TNIK: variants seen among roughly 807,000 people sequenced by gnomAD.
TNIK encodes the protein TRAF2 and NCK-interacting protein kinase.
Under a neutral mutation model 191.3 loss-of-function variants are expected in TNIK, and 49 were observed. The observed-to-expected ratio is 0.26, with a 90% CI of 0.20 to 0.32. The LOEUF (loss-of-function observed/expected upper bound fraction) is 0.32. Ranked by LOEUF, TNIK falls within the 10% of genes least tolerant of loss-of-function variation. The pLI is 1.00. For synonymous variants in TNIK, 594 were observed against 600.9 expected, an observed-to-expected ratio of 0.99 and a Z score of 0.17; for missense variants, 1,155 against 1,702.3, an observed-to-expected ratio of 0.68 and a Z score of 5.66.
At chr3:171,074,516 AAAAAG>A (rs1451188467) in intron 28 of TNIK, among the ~76,000 whole-genome samples, 3 of 152,182 alleles carry the variant, frequency 2.0e-5, no homozygotes, top group Admixed American at 1.3e-4. Context: ...AATAAATTTT[AAAAAG>A]AAAAGAAAAA....
At chr3:171,452,881 A>C (rs1728353645) in intron 1 of TNIK, among the ~76,000 whole-genome samples, 1 of 152,132 alleles carries the variant, frequency 6.6e-6, no homozygotes, top group South Asian at 2.1e-4. Context: ...AGGAATACCT[A>C]CCCAGGACCA....
chr3:171,186,982 G>A (rs1737443510), intron 7 of TNIK, among the ~76,000 whole-genome samples: 2 of 152,218 alleles, frequency 1.3e-5, no homozygotes, highest in African/African-American at 4.8e-5. Context: ...AAACAAGTCA[G>A]TTGTAGGCAC....
intron 29 of TNIK, among the ~76,000 whole-genome samples, chr3:171,069,442 C>A (rs1311867255): frequency 6.6e-6 from 1 of 152,154 alleles, no homozygotes; most frequent in Non-Finnish European, 1.5e-5. Context: ...CGGCTGTTTT[C>A]TCAGCCTGTT....
intron 2 of TNIK, among the ~76,000 whole-genome samples, chr3:171,311,427 A>C (rs1322900759): frequency 5.9e-5 from 9 of 152,174 alleles, no homozygotes; most frequent in African/African-American, 2.2e-4. Flanking sequence ...TTTCCATTTA[A>C]GCTCCCTAAA....
Position 171,405,508 on chromosome 3 carries a change from T to TAAAAAAAAA in TNIK, c.58-35832_58-35824dup, listed in dbSNP as rs10635709. On this transcript the variant is annotated intron_variant, in intron 1 of 32. Coordinates refer to ENST00000436636, the MANE Select transcript of TNIK (RefSeq NM_015028.4). ...GACAACTCTCAATCACCAAATCTGG[T>TAAAAAAAAA]AAAAAAAAAAAAATCACAACAAAAA... Among the ~76,000 whole-genome samples, 28 of 144,408 alleles carry TAAAAAAAAA rather than the reference T, an allele frequency of 1.9e-4. 1 individual carries two copies. Among genetic ancestry groups the TAAAAAAAAA allele is most frequent in the African/African-American group, 6.6e-4 (26 of 39,184 alleles). The allele number at this position is 144,408 out of a possible 152,430, so 94.7% of individuals were successfully genotyped here. A position where few individuals can be genotyped will look rare whatever the true frequency, so the allele number is the denominator to read the frequency against.
chr3:171,126,347 G>C (rs1212994472), intron 16 of TNIK, among the ~76,000 whole-genome samples, 196 bp from the exon 17 acceptor site: 2 of 152,074 alleles, frequency 1.3e-5, no homozygotes, highest in African/African-American at 2.4e-5. Flanking sequence ...TGTAGGGTTG[G>C]CACAAAGTTA....
At position 171,082,342 on chromosome 3, in the gene TNIK, A is replaced by G. The variant is rs776244808; in HGVS notation, c.3222T>C (p.Ser1074=). The part of the protein sequence containing the change: ...TENGLMLLDR[S]GQGKVYNLIN... ...TCAGATTATAGACTTTGCCTTGCCC[A>G]CTTCGGTCCAAAAGCATCAGGCCAT... Residue 1074 remains serine, a synonymous_variant, in exon 27 of 33, where the codon AGT becomes AGC. Transcript: ENST00000436636. 1.9e-5 allele frequency: 30 copies of G among 1,613,788 alleles called. No homozygotes were observed. Among genetic ancestry groups the G allele is most frequent in the Non-Finnish European group, 2.4e-5 (28 of 1,179,834 alleles).
chr3:171,285,537 C>A (rs1750917245), intron 2 of TNIK, among the ~76,000 whole-genome samples: 1 of 152,152 alleles, frequency 6.6e-6, no homozygotes, highest in Non-Finnish European at 1.5e-5. Flanking sequence ...TGTTTTCTCA[C>A]CTATACAGTG....
At chr3:171,326,697 A>T (rs1755782524) in intron 2 of TNIK, among the ~76,000 whole-genome samples, 1 of 152,240 alleles carries the variant, frequency 6.6e-6, no homozygotes, top group South Asian at 2.1e-4. Flanking sequence ...TTAAAAAAAA[A>T]ATTCCAGATA....
At chr3:171,364,794 A>G (rs1004767614) in intron 2 of TNIK, among the ~76,000 whole-genome samples, 1 of 152,132 alleles carries the variant, frequency 6.6e-6, no homozygotes, top group Non-Finnish European at 1.5e-5. Flanking sequence ...TGAGAAGGTA[A>G]CATTTGAGCT....
chr3:171,314,743 G>A (rs911202499), intron 2 of TNIK, among the ~76,000 whole-genome samples: 6 of 152,022 alleles, frequency 3.9e-5, no homozygotes, highest in Non-Finnish European at 8.8e-5. Context: ...ACAATAAAAC[G>A]ATAGAGAGTT....
chr3:171,203,415 A>G (rs1190884601), intron 4 of TNIK, among the ~76,000 whole-genome samples: 2 of 152,196 alleles, frequency 1.3e-5, no homozygotes, highest in East Asian at 3.8e-4. Flanking sequence ...ATGGAAGACA[A>G]CAGGGGATGT....
chr3:171,389,292 C>T (rs527496808), intron 1 of TNIK, among the ~76,000 whole-genome samples: 1 of 152,284 alleles, frequency 6.6e-6, no homozygotes, highest in African/African-American at 2.4e-5. Context: ...TTGGTGCTGG[C>T]TAACACTATT....
intron 2 of TNIK, among the ~76,000 whole-genome samples, chr3:171,364,248 A>G (rs866469977): frequency 5.3e-5 from 8 of 152,286 alleles, no homozygotes; most frequent in South Asian, 2.1e-4. Context: ...GACCTCTGCC[A>G]GGAGACCAGA....
chr3:171,130,065 C>T (rs1729027929), intron 15 of TNIK, among the ~76,000 whole-genome samples: 3 of 152,186 alleles, frequency 2.0e-5, no homozygotes, highest in Admixed American at 2.0e-4. Flanking sequence ...TTTTAAGAAC[C>T]CACGTGCAGA....
At chr3:171,355,370 TGTC>T (rs1387460156) in intron 2 of TNIK, among the ~76,000 whole-genome samples, 26 of 152,320 alleles carry the variant, frequency 1.7e-4, no homozygotes, top group African/African-American at 6.3e-4. Flanking sequence ...GTATTTGAAG[TGTC>T]TCTTCATAAG....
At chr3:171,447,735 A>G (rs1301428080) in intron 1 of TNIK, among the ~76,000 whole-genome samples, 1 of 152,244 alleles carries the variant, frequency 6.6e-6, no homozygotes, top group Non-Finnish European at 1.5e-5. Flanking sequence ...TCTAAATTCA[A>G]TTTCTAAGGA....
At chr3:171,459,920 G>GGCCCCC in intron 1 of TNIK, 87 bp downstream of exon 1, 20 of 1,157,356 alleles carry the variant, frequency 1.7e-5, no homozygotes, top group East Asian at 2.8e-5. Flanking sequence ...CTGTCCCCCT[G>GGCCCCC]CCCCAGCCCC....
At chr3:171,344,033 C>T (rs1474780702) in intron 2 of TNIK, among the ~76,000 whole-genome samples, 1 of 152,162 alleles carries the variant, frequency 6.6e-6, no homozygotes, top group Non-Finnish European at 1.5e-5. Flanking sequence ...CAACTTAGTT[C>T]TTAAATTCTG....
Sources: gnomAD v4.1 joint callset for allele counts (sites outside exome capture counted in the v4.1 genomes callset) on GRCh38, gnomAD v4.1.1 for gene constraint, MANE v1.5 for transcripts, NCBI Gene and HGNC (gene_info 2026-07-23, HGNC 2026-07-21) for gene names.